Variants in PPARGC1A observed in about 807,000 individuals in gnomAD.
PPARGC1A encodes PPARG coactivator 1 alpha, also known as peroxisome proliferator-activated receptor gamma coactivator 1-alpha.
PPARGC1A carries 25 observed loss-of-function variants against 88.7 expected under a neutral mutation model. The ratio of observed to expected loss-of-function variants is 0.28; its 90% CI spans 0.21 to 0.39. The LOEUF is 0.39. PPARGC1A is among the 10% of genes least tolerant of loss of function. PPARGC1A has a pLI of 1.00. For missense variants in PPARGC1A, 880 were observed against 968.7 expected, an observed-to-expected ratio of 0.91 and a Z score of 1.22; for synonymous variants, 363 against 355.6, an observed-to-expected ratio of 1.02 and a Z score of -0.24.
intron 5 of PPARGC1A, 93 bp downstream of exon 5, chr4:23,828,307 C>A (rs745449853): frequency 8.3e-6 from 11 of 1,317,848 alleles, no homozygotes; most frequent in Non-Finnish European, 1.2e-5. Flanking sequence ...GCTGATGGGA[C>A]GGAAGCAAGA....
the PPARGC1A span, among the ~76,000 whole-genome samples, chr4:24,328,583 A>C: frequency 6.6e-6 from 1 of 152,304 alleles, no homozygotes; most frequent in East Asian, 1.9e-4. Flanking sequence ...CAGATAGTTA[A>C]AGGGGTTTAC....
chr4:23,851,108 C>A (rs779158490), intron 2 of PPARGC1A, among the ~76,000 whole-genome samples: 4 of 152,150 alleles, frequency 2.6e-5, no homozygotes, highest in Non-Finnish European at 5.9e-5. Context: ...CACTAATGGA[C>A]TTATCCATCT....
the PPARGC1A span, among the ~76,000 whole-genome samples, chr4:24,206,525 T>C: frequency 6.6e-6 from 1 of 152,054 alleles, no homozygotes; most frequent in Admixed American, 6.5e-5. Context: ...CCAAAGACCA[T>C]ATAAAAAATA....
the PPARGC1A span, among the ~76,000 whole-genome samples, chr4:24,222,545 G>A: frequency 6.6e-6 from 1 of 152,152 alleles, no homozygotes. Flanking sequence ...AAAATTTAAA[G>A]TGATTACACT....
In PPARGC1A at chr4:23,814,449, G is replaced by A; in HGVS notation, c.1034C>T (p.Thr345Ile). The stretch of plus-strand genomic sequence containing the variant: ...CTCGGATTGCTCCGGCCCTTTCTTG[G>A]TGGAGTTATTGCCTTGTGTACCAGA... ...ESSGTQGNNS[T>I]KKGPEQSELY... is the part of the protein sequence containing the mutation. The change falls in exon 8 of 13, where the codon ACC becomes ATC. Residue 345 changes from threonine (T) to isoleucine (I), a missense_variant. Physicochemically the swap from Thr to Ile is moderately conservative, Grantham distance 89 (BLOSUM62 -1). Transcript: ENST00000264867. 6.2e-7 allele frequency: 1 copy of A among 1,613,754 alleles called. No individual in the cohort carries two copies.
chr4:24,240,632 A>T, the PPARGC1A span, among the ~76,000 whole-genome samples: 3 of 152,208 alleles, frequency 2.0e-5, no homozygotes, highest in Admixed American at 6.5e-5. Context: ...CACAAGCACA[A>T]ACTGATTAAT....
the PPARGC1A span, among the ~76,000 whole-genome samples, chr4:24,260,380 G>A: frequency 1.3e-5 from 2 of 152,188 alleles, no homozygotes. Flanking sequence ...TTGAGTCACA[G>A]ACACTCCACT....
At chr4:23,948,292 T>C in the PPARGC1A span, among the ~76,000 whole-genome samples, 2 of 152,184 alleles carry the variant, frequency 1.3e-5, no homozygotes, top group South Asian at 4.2e-4. Flanking sequence ...TAAAAATATA[T>C]ATTAATTTTC....
the PPARGC1A span, among the ~76,000 whole-genome samples, chr4:23,967,897 G>T: frequency 6.6e-6 from 1 of 152,274 alleles, no homozygotes; most frequent in African/African-American, 2.4e-5. Context: ...TAGAGGTGGG[G>T]AATAGTGTAT....
the PPARGC1A span, among the ~76,000 whole-genome samples, chr4:24,213,980 T>C: frequency 1.3e-5 from 2 of 152,236 alleles, no homozygotes; most frequent in East Asian, 3.8e-4. Flanking sequence ...TGGAGAGTTA[T>C]GAGACTCAAC....
At chr4:24,458,865 G>A in the PPARGC1A span, among the ~76,000 whole-genome samples, 4 of 152,038 alleles carry the variant, frequency 2.6e-5, no homozygotes, top group Non-Finnish European at 5.9e-5. Context: ...ACTAAAATAA[G>A]GTTACACAAA....
At chr4:23,867,414 A>C (rs893432820) in intron 2 of PPARGC1A, among the ~76,000 whole-genome samples, 3 of 152,328 alleles carry the variant, frequency 2.0e-5, no homozygotes, top group African/African-American at 7.2e-5. Context: ...AGAATGAATG[A>C]AATCAGTCTC....
At position 23,828,380 on chromosome 4, in the gene PPARGC1A, CG is replaced by C. The variant is rs761509019; in HGVS notation, c.757+19del. The C allele has an allele frequency of 2.5e-6, 4 of 1,601,008 alleles. No individual in the cohort carries two copies. The highest frequency in any genetic ancestry group is 3.4e-6 in the Non-Finnish European group (4 of 1,168,340). On this transcript the variant is annotated intron_variant, in intron 5 of 12. Coordinates refer to ENST00000264867, the MANE Select transcript of PPARGC1A (RefSeq NM_013261.5). ...GCTTCCAGTGCCCTCACCAACAGCT[CG>C]TTTTGGTCCCCAGCCTACCTTGTAA...
chr4:23,802,207 A>T lies in PPARGC1A; in HGVS notation c.2141+17T>A. Reference sequence around the variant, plus strand: ...TACGTCAGCTTCTAAACAAGAAATAATCTTGAAGATTCTCACCCATCATCC... The same window carrying T: ...TACGTCAGCTTCTAAACAAGAAATATTCTTGAAGATTCTCACCCATCATCC... On this transcript the variant is annotated intron_variant, in intron 11 of 12. Transcript: ENST00000264867. The T allele has an allele frequency of 6.2e-7, 1 of 1,613,990 alleles. No individual in the cohort carries two copies. Among genetic ancestry groups the T allele is most frequent in the Non-Finnish European group, 8.5e-7 (1 of 1,179,950 alleles).
chr4:24,389,568 A>G, the PPARGC1A span, among the ~76,000 whole-genome samples: 1 of 152,214 alleles, frequency 6.6e-6, no homozygotes, highest in Non-Finnish European at 1.5e-5. Flanking sequence ...CTGGATCATA[A>G]TAAGCACATA....
rs145453467 is a variant in PPARGC1A at position 23,828,941 on chromosome 4, C to G, written c.553-337G>C. Among the ~76,000 whole-genome samples, 448 of 152,280 alleles carry G rather than the reference C, an allele frequency of 2.9e-3. 2 individuals carry two copies. Among genetic ancestry groups the G allele is most frequent in the African/African-American group, 0.01 (421 of 41,544 alleles). On this transcript the variant is annotated intron_variant, in intron 4 of 12. Coordinates refer to ENST00000264867, the MANE Select transcript of PPARGC1A (RefSeq NM_013261.5). ...CCACTGATTGCTGACGCCCAGTACT[C>G]ACAACTCTCTTAAGTACCCCTTAAT...
chr4:24,433,969 G>A, the PPARGC1A span, among the ~76,000 whole-genome samples: 1 of 152,104 alleles, frequency 6.6e-6, no homozygotes, highest in Non-Finnish European at 1.5e-5. Context: ...TCCCACCCAC[G>A]GAAGACCCTA....
At chr4:24,174,363 C>T in the PPARGC1A span, among the ~76,000 whole-genome samples, 51 of 152,252 alleles carry the variant, frequency 3.3e-4, no homozygotes, top group African/African-American at 1.1e-3. Flanking sequence ...AGGCATCTTC[C>T]GAAACATCTC....
chr4:24,385,567 C>T, the PPARGC1A span, among the ~76,000 whole-genome samples: 2 of 152,286 alleles, frequency 1.3e-5, no homozygotes, highest in South Asian at 4.1e-4. Context: ...GATATCACCA[C>T]TGATCCCACA....
Sources: gnomAD v4.1 joint callset for allele counts (sites outside exome capture counted in the v4.1 genomes callset) on GRCh38, gnomAD v4.1.1 for gene constraint, MANE v1.5 for transcripts, NCBI Gene and HGNC (gene_info 2026-07-23, HGNC 2026-07-21) for gene names.